DISP1: variants seen among roughly 807,000 people sequenced by gnomAD.
DISP1 encodes the protein protein dispatched homolog 1.
In DISP1, 30 loss-of-function variants were observed where a neutral mutation model predicts 37.3. That is an observed-to-expected ratio of 0.80 (90% CI 0.60 to 1.09). The LOEUF (loss-of-function observed/expected upper bound fraction) is 1.09. Among genes scored for constraint, DISP1 ranks in the 50% least tolerant of loss-of-function variants. DISP1 has a pLI of 0.00. For missense variants in DISP1, 1,598 were observed against 1,879.5 expected, an observed-to-expected ratio of 0.85 and a Z score of 2.77; for synonymous variants, 634 against 690.2, an observed-to-expected ratio of 0.92 and a Z score of 1.28.
At chr1:222,969,370 C>CAAAAAAA (rs71178518) in intron 3 of DISP1, among the ~76,000 whole-genome samples, 723 of 29,844 alleles carry the variant, frequency 0.024, 46 homozygotes, top group African/African-American at 0.062. Context: ...AACTTGGTCT[C>CAAAAAAA]AAAAAAAAAA....
intron 1 of DISP1, among the ~76,000 whole-genome samples, chr1:222,846,609 A>C (rs1667919508): frequency 6.6e-6 from 1 of 152,264 alleles, no homozygotes; most frequent in Non-Finnish European, 1.5e-5. Flanking sequence ...TTTTAGAGAC[A>C]ATGAATTGGA....
intron 1 of DISP1, among the ~76,000 whole-genome samples, chr1:222,841,590 C>T (rs896724544): frequency 6.6e-6 from 1 of 152,178 alleles, no homozygotes; most frequent in Non-Finnish European, 1.5e-5. Context: ...CTCCAGAAGA[C>T]TGCCCTTACT....
intron 2 of DISP1, among the ~76,000 whole-genome samples, chr1:222,930,755 G>A (rs1177544675): frequency 2.0e-5 from 3 of 152,006 alleles, no homozygotes; most frequent in Admixed American, 1.3e-4. Context: ...AATAATTTAA[G>A]GAATAGAGAA....
chr1:222,829,604 T>C (rs1420766469), intron 1 of DISP1, among the ~76,000 whole-genome samples: 1 of 152,100 alleles, frequency 6.6e-6, no homozygotes, highest in Non-Finnish European at 1.5e-5. Flanking sequence ...CATGCCTGGC[T>C]AATTTTTTGT....
chr1:222,947,036 C>T (rs2125504304), intron 3 of DISP1, among the ~76,000 whole-genome samples: 1 of 152,244 alleles, frequency 6.6e-6, no homozygotes, highest in Admixed American at 6.5e-5. Context: ...TAACATAAAA[C>T]TTAATATTTT....
chr1:222,926,997 A>G (rs1388190311), intron 1 of DISP1, among the ~76,000 whole-genome samples: 1 of 152,134 alleles, frequency 6.6e-6, no homozygotes, highest in Admixed American at 6.6e-5. Context: ...ATAGTGAATA[A>G]TCATATTTGC....
intron 8 of DISP1, among the ~76,000 whole-genome samples, chr1:222,998,847 A>G (rs1679251584): frequency 6.6e-6 from 1 of 152,110 alleles, no homozygotes; most frequent in Admixed American, 6.6e-5. Context: ...TGAAGCTTAG[A>G]AGATCCCAGA....
At position 222,850,372 on chromosome 1, in the gene DISP1, C is replaced by T. The variant is rs1572336617; in HGVS notation, c.-159+35294C>T. 2.6e-5 allele frequency among the ~76,000 whole-genome samples: 4 copies of T among 152,098 alleles called. No homozygotes were observed. In the South Asian group the frequency reaches 6.2e-4, roughly 24 times the overall value. On this transcript the variant is annotated intron_variant, in intron 1 of 8. Coordinates refer to ENST00000675850, the MANE Select transcript of DISP1 (RefSeq NM_001377229.1). The stretch of plus-strand genomic sequence containing the variant: ...TAAACCCTCTGCTTTCTCCACTTTA[C>T]CCCATGTTTTTATTATTCTTTTAAA...
At chr1:222,949,119 C>T (rs1025795249) in intron 3 of DISP1, among the ~76,000 whole-genome samples, 8 of 152,076 alleles carry the variant, frequency 5.3e-5, no homozygotes, top group Admixed American at 3.9e-4. Flanking sequence ...TAAGGCCAGG[C>T]GTGGTGGCTT....
At chr1:222,912,457 G>C (rs1289515561) in intron 1 of DISP1, among the ~76,000 whole-genome samples, 1 of 152,068 alleles carries the variant, frequency 6.6e-6, no homozygotes, top group Non-Finnish European at 1.5e-5. Context: ...CTTCTGCTTT[G>C]CTTATGTTCT....
chr1:222,882,982 T>C (rs1409405443), intron 1 of DISP1, among the ~76,000 whole-genome samples: 1 of 152,150 alleles, frequency 6.6e-6, no homozygotes, highest in East Asian at 1.9e-4. Context: ...CTTTAGAATA[T>C]ATATAATCTC....
intron 3 of DISP1, among the ~76,000 whole-genome samples, chr1:222,978,733 A>T (rs1334025166): frequency 6.6e-6 from 1 of 152,168 alleles, no homozygotes; most frequent in Non-Finnish European, 1.5e-5. Flanking sequence ...TCAGCTTTCT[A>T]CATATGGCTA....
At chr1:222,949,963 C>T (rs1391976446) in intron 3 of DISP1, among the ~76,000 whole-genome samples, 1 of 152,180 alleles carries the variant, frequency 6.6e-6, no homozygotes, top group Admixed American at 6.5e-5. Flanking sequence ...AATAGTCTCT[C>T]CTCACCATGA....
At chr1:222,917,664 A>C (rs946334267) in intron 1 of DISP1, among the ~76,000 whole-genome samples, 3 of 152,220 alleles carry the variant, frequency 2.0e-5, no homozygotes, top group African/African-American at 7.2e-5. Flanking sequence ...GGTGGTGAAC[A>C]GAAGAGGGAG....
At position 222,876,326 on chromosome 1, in the gene DISP1, A is replaced by G. The variant is rs140520869; in HGVS notation, c.-158-52104A>G. Among the ~76,000 whole-genome samples, 638 of 152,330 alleles carry G rather than the reference A, an allele frequency of 4.2e-3. 13 individuals carry two copies. The highest frequency in any genetic ancestry group is 0.018 in the Admixed American group (276 of 15,296). ...TACTGTGATATCCCTTAAATCTTCA[A>G]TAAAGATAAATATAAATGAAGCAGA... On this transcript the variant is annotated intron_variant, in intron 1 of 8. Coordinates refer to ENST00000675850, the MANE Select transcript of DISP1 (RefSeq NM_001377229.1).
chr1:222,969,146 G>A (rs1676728594), intron 3 of DISP1, among the ~76,000 whole-genome samples: 1 of 151,634 alleles, frequency 6.6e-6, no homozygotes, highest in Non-Finnish European at 1.5e-5. Flanking sequence ...TGAGGTGGGT[G>A]GATCATCTGA....
chr1:222,980,431 G>GTA (rs1324286963), intron 3 of DISP1, among the ~76,000 whole-genome samples: 31 of 152,016 alleles, frequency 2.0e-4, no homozygotes, highest in African/African-American at 7.0e-4. Flanking sequence ...GTGTGTGTGT[G>GTA]TGTGTGTGTA....
intron 3 of DISP1, among the ~76,000 whole-genome samples, chr1:222,956,098 C>T (rs1029044255): frequency 1.2e-4 from 19 of 152,172 alleles, no homozygotes; most frequent in African/African-American, 4.6e-4. Flanking sequence ...AGATACATTC[C>T]TTCGGACCCT....
At chr1:222,856,727 T>C (rs1191289240) in intron 1 of DISP1, among the ~76,000 whole-genome samples, 3 of 142,634 alleles carry the variant, frequency 2.1e-5, no homozygotes, top group South Asian at 2.2e-4. Context: ...TTTTTTGAGA[T>C]GGAGTCTCAC....
Sources: gnomAD v4.1 joint callset for allele counts (sites outside exome capture counted in the v4.1 genomes callset) on GRCh38, gnomAD v4.1.1 for gene constraint, MANE v1.5 for transcripts, NCBI Gene and HGNC (gene_info 2026-07-23, HGNC 2026-07-21) for gene names.